The following TDRD9 variants were observed in gnomAD, a reference collection of about 807,000 sequenced individuals.
TDRD9 encodes tudor domain containing 9.
A neutral mutation model predicts 172.6 loss-of-function variants in TDRD9; 124 were observed. That is an observed-to-expected ratio of 0.72 (90% CI 0.62 to 0.83). The LOEUF is 0.83. Ranked by LOEUF, TDRD9 falls within the 40% of genes least tolerant of loss-of-function variation. TDRD9 has a pLI of 0.00. For missense variants in TDRD9, 1,479 were observed against 1,714.1 expected, an observed-to-expected ratio of 0.86 and a Z score of 2.42; for synonymous variants, 619 against 617.1, an observed-to-expected ratio of 1.00 and a Z score of -0.05.
Position 103,954,500 on chromosome 14 carries a change from CAAAT to C in TDRD9, c.216-1163_216-1160del, listed in dbSNP as rs894328262. ...AGGTGTTCAGTAAGTATTTGCTAAA[CAAAT>C]GAATGTTTCCATGCATGTCTTTGCA... On this transcript the variant is annotated intron_variant, in intron 1 of 35. Coordinates refer to ENST00000409874, the MANE Select transcript of TDRD9 (RefSeq NM_153046.3). Among the ~76,000 whole-genome samples the C allele has an allele frequency of 7.2e-5, 11 of 152,312 alleles. No homozygotes were observed. In the South Asian group the frequency reaches 8.3e-4, roughly 11 times the overall value.
At chr14:103,954,614 T>C (rs976287039) in intron 1 of TDRD9, among the ~76,000 whole-genome samples, 1 of 152,178 alleles carries the variant, frequency 6.6e-6, no homozygotes, top group African/African-American at 2.4e-5. Flanking sequence ...AAGTTTTGGT[T>C]AGTTTTTAGT....
rs143516625 is a variant in TDRD9, at chr14:103,953,161, C to T, written c.216-2503C>T. On this transcript the variant is annotated intron_variant, in intron 1 of 35. Transcript: ENST00000409874. Reference sequence around the variant, plus strand: ...TGTTATTTCTCTCTCTGCTCAAAACCCATCTTATTCAGAACAAAAGCCAAA... The same window carrying T: ...TGTTATTTCTCTCTCTGCTCAAAACTCATCTTATTCAGAACAAAAGCCAAA... Among the ~76,000 whole-genome samples the T allele has an allele frequency of 1.7e-3, 254 of 152,222 alleles. 2 individuals carry two copies. Among genetic ancestry groups the T allele is most frequent in the African/African-American group, 6.0e-3 (248 of 41,534 alleles).
chr14:103,938,280 A>G (rs17101937), intron 1 of TDRD9, among the ~76,000 whole-genome samples: 3,472 of 151,212 alleles, frequency 0.023, 79 homozygotes, highest in East Asian at 0.072. Flanking sequence ...TATTCTTTCT[A>G]TTCCCTAGCT....
chr14:103,980,873 T>C lies in TDRD9; in HGVS notation c.1011+5320T>C, dbSNP rs1446780042. On this transcript the variant is annotated intron_variant, in intron 7 of 35. Transcript: ENST00000409874. The surrounding 1 kb of genome is among the most constrained non-coding windows in gnomAD (Gnocchi z 4.5). ...ACAGAAGGCTCGCACTCTTGTCTTC[T>C]GGTCACTTCTCACTATGTCCCCTCA... Among the ~76,000 whole-genome samples, 1 of 152,202 alleles carries C rather than the reference T, an allele frequency of 6.6e-6. No homozygotes were observed. Among genetic ancestry groups the C allele is most frequent in the East Asian group, 1.9e-4 (1 of 5,188 alleles).
chr14:104,028,132 T>C (rs1425243621), intron 28 of TDRD9, among the ~76,000 whole-genome samples: 1 of 152,228 alleles, frequency 6.6e-6, no homozygotes, highest in African/African-American at 2.4e-5. Flanking sequence ...TCTTGACTAT[T>C]GTGACCACTG....
At chr14:104,031,339 G>T in intron 29 of TDRD9, 76 bp downstream of exon 29, 1 of 1,307,910 alleles carries the variant, frequency 7.6e-7, no homozygotes, top group Non-Finnish European at 1.0e-6. Context: ...GTTGTAGTCA[G>T]TAGTCATGGT....
intron 23 of TDRD9, among the ~76,000 whole-genome samples, chr14:104,018,813 A>T (rs748161597): frequency 4.3e-4 from 65 of 152,178 alleles, no homozygotes; most frequent in Non-Finnish European, 1.2e-4. Context: ...ATAAATTTTT[A>T]TTTAACTTTA....
At chr14:103,930,760 A>C (rs1473910143) in intron 1 of TDRD9, among the ~76,000 whole-genome samples, 2 of 152,184 alleles carry the variant, frequency 1.3e-5, no homozygotes, top group African/African-American at 4.8e-5. Flanking sequence ...ATGGTCCATC[A>C]CTTACTCCTT....
At chr14:103,978,003 C>A (rs2033323990) in intron 7 of TDRD9, among the ~76,000 whole-genome samples, 1 of 152,080 alleles carries the variant, frequency 6.6e-6, no homozygotes, top group African/African-American at 2.4e-5. Flanking sequence ...TTTCTGGGTT[C>A]TTTATTCTGT....
rs866268845 is a variant in TDRD9, at chr14:104,034,027, C to G, written c.3577C>G (p.Gln1193Glu). The change falls in exon 31 of 36, where the codon CAG becomes GAG. Residue 1193 changes from glutamine (Q) to glutamate (E), a missense_variant. Around this residue, in one of 3 missense-constraint regions of TDRD9, gnomAD observed 1,413 missense variants for 1,649.1 expected, o/e 0.86. Coordinates refer to ENST00000409874, the MANE Select transcript of TDRD9 (RefSeq NM_153046.3). ...CAGTGACGCCCCTGAAGACCTTCACCAGAGAATGCTGGTTGCAGCTTCCCT... is the reference window on the plus strand; with the variant it reads ...CAGTGACGCCCCTGAAGACCTTCACGAGAGAATGCTGGTTGCAGCTTCCCT... Reference protein sequence around the residue: ...IISDAPEDLHQRMLVAASLSI... With the variant: ...IISDAPEDLHERMLVAASLSI... 6.4e-7 allele frequency: 1 copy of G among 1,551,560 alleles called. No individual in the cohort carries two copies. Among genetic ancestry groups the G allele is most frequent in the African/African-American group, 1.4e-5 (1 of 73,086 alleles).
rs747474077 is a variant in TDRD9, at chr14:104,004,258, A to G, written c.1504A>G (p.Arg502Gly). 14 of 1,598,908 alleles carry G rather than the reference A, an allele frequency of 8.8e-6. No homozygotes were observed. In the South Asian group the frequency reaches 1.6e-4, roughly 18 times the overall value. The stretch of plus-strand genomic sequence containing the variant: ...TGAAGGCCGTGCTGGACGAGTGTCT[A>G]GAGGGTACTGTTACCGGCTGGTACA... ...QRKGRAGRVS[R>G]GYCYRLVHKD... The change falls in exon 14 of 36, where the codon AGA becomes GGA. Residue 502 changes from arginine (R) to glycine (G), a missense_variant. Around this residue, in one of 3 missense-constraint regions of TDRD9, gnomAD observed 1,413 missense variants for 1,649.1 expected, o/e 0.86. Coordinates refer to ENST00000409874, the MANE Select transcript of TDRD9 (RefSeq NM_153046.3).
chr14:104,049,609 T>A lies in TDRD9; in HGVS notation c.3976T>A (p.Leu1326Met). 1 of 1,562,014 alleles carries A rather than the reference T, an allele frequency of 6.4e-7. No individual in the cohort carries two copies. The highest frequency in any genetic ancestry group is 1.2e-5 in the South Asian group (1 of 84,240). The change falls in exon 35 of 36, where the codon TTG becomes ATG. Residue 1326 changes from leucine (L) to methionine (M), a missense_variant and splice_region_variant. Coordinates refer to ENST00000409874, the MANE Select transcript of TDRD9 (RefSeq NM_153046.3). ...QDIARQKLLG[L>M]FCQSKPREKI... ...TAATTTCTTTTTTTTTTAAATTAGT[T>A]TGTTCTGTCAGTCAAAACCAAGGGA...
chr14:104,012,417 T>C (rs955718331), intron 20 of TDRD9, among the ~76,000 whole-genome samples: 1 of 152,220 alleles, frequency 6.6e-6, no homozygotes, highest in African/African-American at 2.4e-5. Flanking sequence ...CTTTGTGTTA[T>C]TGTATTTTCA....
intron 8 of TDRD9, 41 bp downstream of exon 8, chr14:103,986,361 G>A: frequency 7.2e-7 from 1 of 1,397,752 alleles, no homozygotes; most frequent in Middle Eastern, 1.8e-4. Context: ...TAATGTATAT[G>A]TGATTTAAAA....
chr14:104,008,062 A>G lies in TDRD9; in HGVS notation c.2053-351A>G, dbSNP rs375216699. Among the ~76,000 whole-genome samples, 13 of 152,278 alleles carry G rather than the reference A, an allele frequency of 8.5e-5. No homozygotes were observed. The South Asian group carries it at 2.5e-3, about 29-fold the overall frequency. The stretch of plus-strand genomic sequence containing the variant: ...CCAAAGTGGTGGGATTACAGGCGTG[A>G]ACCACCGCGCCTGGCTTAAAGTCTT... On this transcript the variant is annotated intron_variant, in intron 19 of 35. Transcript: ENST00000409874.
At chr14:103,946,199 G>T (rs1484067499) in intron 1 of TDRD9, among the ~76,000 whole-genome samples, 1 of 151,956 alleles carries the variant, frequency 6.6e-6, no homozygotes, top group Non-Finnish European at 1.5e-5. Context: ...TGAACTCCTG[G>T]GTACAAGCAA....
intron 1 of TDRD9, among the ~76,000 whole-genome samples, chr14:103,947,174 G>T (rs1373314307): frequency 2.0e-5 from 3 of 152,012 alleles, no homozygotes; most frequent in African/African-American, 7.2e-5. Context: ...GTATGGTATT[G>T]GCATAAAGAC....
chr14:104,014,585 G>C, intron 20 of TDRD9, 140 bp from the exon 21 acceptor site: 2 of 510,888 alleles, frequency 3.9e-6, no homozygotes, highest in Non-Finnish European at 7.1e-6. Context: ...ACAGCCAAAA[G>C]ATGATTCTTA....
chr14:104,018,889 A>G (rs1173468460), intron 23 of TDRD9, among the ~76,000 whole-genome samples: 2 of 152,344 alleles, frequency 1.3e-5, no homozygotes, highest in African/African-American at 4.8e-5. Flanking sequence ...TTGAACATTA[A>G]GTCCATTTTC....
Sources: gnomAD v4.1 joint callset for allele counts (sites outside exome capture counted in the v4.1 genomes callset) on GRCh38, gnomAD v4.1.1 for gene constraint, gnomAD v4.1.1 regional missense constraint, Gnocchi (gnomAD v3.1) non-coding constraint, MANE v1.5 for transcripts, NCBI Gene and HGNC (gene_info 2026-07-23, HGNC 2026-07-21) for gene names.